Variants in CASK observed in about 807,000 individuals in gnomAD.
CASK encodes the protein peripheral plasma membrane protein CASK.
A neutral mutation model predicts 82.9 loss-of-function variants in CASK; 4 were observed. The observed-to-expected ratio is 0.05, with a 90% confidence interval of 0.02 to 0.11. The LOEUF is 0.11. CASK is among the 10% of genes least tolerant of loss of function. The pLI is 1.00. For missense variants in CASK, 358 were observed against 720.9 expected (o/e 0.50, Z 5.76); for synonymous variants, 259 against 253.5 (o/e 1.02, Z -0.20).
At chrX:41,645,169 C>T (rs1230447162) in intron 8 of CASK, among the ~76,000 whole-genome samples, 1 of 111,383 alleles carries the variant, frequency 9.0e-6, no homozygotes, top group Non-Finnish European at 1.9e-5. Context: ...GAATCCCTTA[C>T]AATCGCACTT....
chrX:41,612,710 T>G (rs1236259433), intron 11 of CASK, among the ~76,000 whole-genome samples: 2 of 47,531 alleles, frequency 4.2e-5, no homozygotes, highest in African/African-American at 8.8e-5. Flanking sequence ...GGTGGGGGGG[T>G]CAGCTCCCCG....
intron 1 of CASK, among the ~76,000 whole-genome samples, chrX:41,904,356 C>T (rs918557117): frequency 2.7e-5 from 3 of 111,289 alleles, no homozygotes; most frequent in Non-Finnish European, 5.7e-5. Flanking sequence ...GAGTAACATA[C>T]AAAAAATCAA....
rs974991849 is a variant in CASK, at chrX:41,897,751, C to T, written c.59+25179G>A. On this transcript the variant is annotated intron_variant, in intron 1 of 26. Transcript: ENST00000378163. ...ACAGTAATATTTTGAGCTTCCTGTA[C>T]ACTAAGAGGTAGTGATGATCAAGAA... is the stretch of plus-strand genomic sequence containing the variant. Among the ~76,000 whole-genome samples, 3 of 111,199 alleles carry T rather than the reference C, an allele frequency of 2.7e-5. No individual in the cohort carries two copies. The East Asian group carries it at 8.4e-4, about 31-fold the overall frequency.
chrX:41,648,272 C>T (rs1040705541), intron 8 of CASK, among the ~76,000 whole-genome samples: 2 of 111,164 alleles, frequency 1.8e-5, no homozygotes, highest in Admixed American at 1.9e-4. Context: ...AGAGGAAATT[C>T]CCGCCTAATA....
intron 21 of CASK, among the ~76,000 whole-genome samples, chrX:41,547,789 A>AT (rs1196241748): frequency 4.6e-5 from 5 of 109,430 alleles, no homozygotes; most frequent in Non-Finnish European, 9.5e-5. Context: ...GGCCCGGCTA[A>AT]TTTTTTTGTA....
intron 2 of CASK, among the ~76,000 whole-genome samples, chrX:41,821,795 G>A (rs2070548784): frequency 8.9e-6 from 1 of 112,123 alleles, no homozygotes; most frequent in South Asian, 3.7e-4. Flanking sequence ...ATTTGCCCTT[G>A]GAACTCAGCT....
chrX:41,834,056 TAATCCATCAACTTACA>T (rs1381048219), intron 2 of CASK, among the ~76,000 whole-genome samples: 1 of 112,419 alleles, frequency 8.9e-6, no homozygotes, highest in Non-Finnish European at 1.9e-5. Context: ...TTACTCTTAA[TAATCCATCAACTTACA>T]AATTGATAAG....
chrX:41,826,947 T>A (rs2070681524), intron 2 of CASK, among the ~76,000 whole-genome samples: 1 of 112,241 alleles, frequency 8.9e-6, no homozygotes, highest in Non-Finnish European at 1.9e-5. Context: ...AACCCATCGT[T>A]TTCAATGTGC....
At chrX:41,831,173 A>G (rs1158832526) in intron 2 of CASK, among the ~76,000 whole-genome samples, 1 of 110,567 alleles carries the variant, frequency 9.0e-6, no homozygotes. Flanking sequence ...CTTCACACAC[A>G]TACCGCTTTT....
chrX:41,899,480 C>T (rs973409185), intron 1 of CASK, among the ~76,000 whole-genome samples: 5 of 111,361 alleles, frequency 4.5e-5, no homozygotes, highest in African/African-American at 1.6e-4. Flanking sequence ...TTGTTCCACT[C>T]TTCCTCTCTT....
intron 1 of CASK, among the ~76,000 whole-genome samples, chrX:41,910,882 G>A (rs998964569): frequency 9.0e-6 from 1 of 110,999 alleles, no homozygotes; most frequent in Non-Finnish European, 1.9e-5. Context: ...AAAATGTTTT[G>A]TTTTTTTTAA....
At chrX:41,798,651 A>C (rs758021633) in intron 2 of CASK, among the ~76,000 whole-genome samples, 1 of 112,202 alleles carries the variant, frequency 8.9e-6, no homozygotes, top group Non-Finnish European at 1.9e-5. Context: ...CCTGGACAAC[A>C]TGGTGAAACC....
intron 2 of CASK, among the ~76,000 whole-genome samples, chrX:41,838,366 C>G (rs1382213233): frequency 9.0e-6 from 1 of 111,615 alleles, no homozygotes; most frequent in Non-Finnish European, 1.9e-5. Context: ...TTTTGTTTTT[C>G]TTTTTTCATC....
chrX:41,575,603 C>T (rs1188856264), intron 15 of CASK, among the ~76,000 whole-genome samples: 1 of 111,086 alleles, frequency 9.0e-6, no homozygotes, highest in East Asian at 2.8e-4. Context: ...GAGTATGTCA[C>T]CCTTGAGGAA....
At chrX:41,706,450 T>C (rs2067887094) in intron 5 of CASK, among the ~76,000 whole-genome samples, 1 of 111,653 alleles carries the variant, frequency 9.0e-6, no homozygotes, top group Non-Finnish European at 1.9e-5. Context: ...TTTTAAGCTC[T>C]GGTATTGAAG....
intron 24 of CASK, among the ~76,000 whole-genome samples, chrX:41,532,648 T>C (rs1241174140): frequency 1.8e-5 from 2 of 110,203 alleles, no homozygotes; most frequent in African/African-American, 6.6e-5. Context: ...AAAGAACAAA[T>C]TTATGCTACT....
At chrX:41,814,494 C>CA (rs2070372126) in intron 2 of CASK, among the ~76,000 whole-genome samples, 1 of 106,696 alleles carries the variant, frequency 9.4e-6, no homozygotes, top group African/African-American at 3.4e-5. Context: ...ATCGCAAGGA[C>CA]AAAAAACCAA....
Position 41,589,619 on chromosome X carries a change from A to G in CASK, c.1156-27T>C, listed in dbSNP as rs183207383. On this transcript the variant is annotated intron_variant, in intron 12 of 26. Transcript: ENST00000378163. ...TAAAAAGCAAAGAAGAAAATCCAGT[A>G]AACACTCACAATTCTTTGCTAAAAA... is the stretch of plus-strand genomic sequence containing the variant. The G allele has an allele frequency of 2.4e-4, 231 of 963,544 alleles. No individual in the cohort carries two copies. In the African/African-American group the frequency reaches 3.6e-3, roughly 15 times the overall value. The allele number at this position is 963,544 out of a possible 1,213,427, so 79.4% of individuals were successfully genotyped here.
At chrX:41,536,971 T>G (rs776543832) in intron 22 of CASK, among the ~76,000 whole-genome samples, 1 of 112,044 alleles carries the variant, frequency 8.9e-6, no homozygotes, top group Non-Finnish European at 1.9e-5. Flanking sequence ...GACAAGCAGA[T>G]ATGTTTTAAT....
Sources: gnomAD v4.1 joint callset for allele counts (sites outside exome capture counted in the v4.1 genomes callset) on GRCh38, gnomAD v4.1.1 for gene constraint, MANE v1.5 for transcripts, NCBI Gene and HGNC (gene_info 2026-07-23, HGNC 2026-07-21) for gene names.